The following ALCAM variants were observed in gnomAD, a reference collection of about 807,000 sequenced individuals.
ALCAM encodes the protein CD166 antigen.
In ALCAM, 30 loss-of-function variants were observed where a neutral mutation model predicts 70.9. That is an observed-to-expected ratio of 0.42 (90% CI 0.32 to 0.57). The LOEUF (loss-of-function observed/expected upper bound fraction) is 0.57, where lower values mean the gene tolerates loss of function less well. Among genes scored for constraint, ALCAM ranks in the 20% least tolerant of loss-of-function variants. The probability of loss-of-function intolerance (pLI) is 0.11; values close to 1 mark genes in which losing one functional copy is unlikely to be tolerated. For missense variants in ALCAM, 591 were observed against 695.1 expected (o/e 0.85, Z 1.68); for synonymous variants, 249 against 242.5 (o/e 1.03, Z -0.25).
chr3:105,413,001 T>C (rs1219417338), intron 1 of ALCAM, among the ~76,000 whole-genome samples: 1 of 152,126 alleles, frequency 6.6e-6, no homozygotes, highest in Non-Finnish European at 1.5e-5. Context: ...TTTAGATGCT[T>C]AAGTTTTGCT....
intron 4 of ALCAM, among the ~76,000 whole-genome samples, chr3:105,533,169 C>T (rs1939882431): frequency 6.6e-6 from 1 of 152,030 alleles, no homozygotes; most frequent in African/African-American, 2.4e-5. Flanking sequence ...AATGTATATC[C>T]TCTTGAAATA....
At chr3:105,467,859 C>T (rs1349618824) in intron 1 of ALCAM, among the ~76,000 whole-genome samples, 1 of 151,086 alleles carries the variant, frequency 6.6e-6, no homozygotes, top group East Asian at 1.9e-4. Context: ...TACATTTTTA[C>T]CACTACTGCC....
chr3:105,442,470 G>A (rs150328188), intron 1 of ALCAM, among the ~76,000 whole-genome samples: 130 of 152,214 alleles, frequency 8.5e-4, no homozygotes, highest in African/African-American at 3.0e-3. Flanking sequence ...TAAAAAGAGC[G>A]AGAGTTACTC....
chr3:105,436,408 T>C (rs1183130809), intron 1 of ALCAM, among the ~76,000 whole-genome samples: 2 of 152,106 alleles, frequency 1.3e-5, no homozygotes, highest in African/African-American at 4.8e-5. Flanking sequence ...AGTGGTGCGA[T>C]CTTGGCTCAC....
intron 14 of ALCAM, among the ~76,000 whole-genome samples, chr3:105,568,376 C>T (rs1244672166): frequency 6.6e-6 from 1 of 152,136 alleles, no homozygotes; most frequent in African/African-American, 2.4e-5. Context: ...CAGGTGTGAG[C>T]CACTGAGCCC....
chr3:105,572,077 AAG>A, intron 15 of ALCAM, 113 bp downstream of exon 15: 1 of 615,926 alleles, frequency 1.6e-6, no homozygotes. Context: ...TCAAAACAGG[AAG>A]AGAGGGGTTT....
At chr3:105,420,123 A>T (rs1576151367) in intron 1 of ALCAM, among the ~76,000 whole-genome samples, 1 of 151,662 alleles carries the variant, frequency 6.6e-6, no homozygotes, top group Non-Finnish European at 1.5e-5. Flanking sequence ...AACACTTAAA[A>T]TTTTTTTCTA....
At chr3:105,524,196 G>A (rs1939630357) in intron 2 of ALCAM, 93 bp from the exon 3 acceptor site, 2 of 1,023,668 alleles carry the variant, frequency 2.0e-6, no homozygotes, top group African/African-American at 1.6e-5. Flanking sequence ...TATAGATATT[G>A]GTAGAATATG....
At chr3:105,559,406 G>A (rs1940586740) in intron 14 of ALCAM, among the ~76,000 whole-genome samples, 1 of 151,596 alleles carries the variant, frequency 6.6e-6, no homozygotes, top group Non-Finnish European at 1.5e-5. Context: ...CAGTTCTGGA[G>A]ACTGGGAATT....
intron 14 of ALCAM, among the ~76,000 whole-genome samples, chr3:105,557,708 T>C (rs1455602976): frequency 1.3e-5 from 2 of 152,094 alleles, no homozygotes; most frequent in South Asian, 4.1e-4. Context: ...TTCAGTACAG[T>C]TGTGTTTTTT....
intron 1 of ALCAM, among the ~76,000 whole-genome samples, chr3:105,415,047 C>A (rs1936475393): frequency 6.6e-6 from 1 of 152,088 alleles, no homozygotes; most frequent in Non-Finnish European, 1.5e-5. Context: ...AGTTTGGCCT[C>A]CTCTGTTAAA....
chr3:105,396,188 G>A (rs1035197127), intron 1 of ALCAM, among the ~76,000 whole-genome samples: 2 of 152,002 alleles, frequency 1.3e-5, no homozygotes, highest in African/African-American at 4.8e-5. Context: ...CTGAATAAAT[G>A]AGTAAAATAC....
At position 105,412,556 on chromosome 3, in the gene ALCAM, G is replaced by T. The variant is rs142365143; in HGVS notation, c.73+45075G>T. ...CTTGTATTTGCACTTTTGCGTTTGGGAAGTAGAAGAATTGTAATTCAGAAT... is the reference window on the plus strand; with the variant it reads ...CTTGTATTTGCACTTTTGCGTTTGGTAAGTAGAAGAATTGTAATTCAGAAT... On this transcript the variant is annotated intron_variant, in intron 1 of 15. Transcript: ENST00000306107. Among the ~76,000 whole-genome samples, 374 of 152,144 alleles carry T rather than the reference G, an allele frequency of 2.5e-3. 3 individuals are homozygous for T. The highest frequency in any genetic ancestry group is 8.7e-3 in the African/African-American group (361 of 41,544).
chr3:105,376,563 T>C (rs1282574062), intron 1 of ALCAM, among the ~76,000 whole-genome samples: 3 of 152,216 alleles, frequency 2.0e-5, no homozygotes, highest in Non-Finnish European at 4.4e-5. Flanking sequence ...AACTAATTAC[T>C]ATACATTCAA....
intron 5 of ALCAM, among the ~76,000 whole-genome samples, chr3:105,534,130 A>G (rs1352812132): frequency 6.6e-6 from 1 of 152,066 alleles, no homozygotes; most frequent in Non-Finnish European, 1.5e-5. Flanking sequence ...TCCACAACTG[A>G]TCTGACAGGA....
At chr3:105,571,446 G>C (rs538493502) in intron 14 of ALCAM, among the ~76,000 whole-genome samples, 45 of 152,270 alleles carry the variant, frequency 3.0e-4, no homozygotes, top group African/African-American at 1.1e-3. Flanking sequence ...ACATGATAGG[G>C]AACACCAGAA....
chr3:105,571,322 G>C (rs1019690361), intron 14 of ALCAM, among the ~76,000 whole-genome samples: 9 of 152,172 alleles, frequency 5.9e-5, no homozygotes, highest in African/African-American at 2.2e-4. Flanking sequence ...AGTTGCTATA[G>C]CTTCTGTTGT....
Position 105,575,300 on chromosome 3 carries a change from A to G in ALCAM, c.*849A>G, listed in dbSNP as rs1455201538. ...AACATTCCCATTTTCATAGATCACA[A>G]TGTAAATCACTATAATTACAAATTG... On this transcript the variant is annotated 3_prime_UTR_variant, in exon 16 of 16. Transcript: ENST00000306107. 1 of 152,582 alleles carries G rather than the reference A, an allele frequency of 6.6e-6. No individual in the cohort carries two copies. The highest frequency in any genetic ancestry group is 1.5e-5 in the Non-Finnish European group (1 of 68,022). The allele number at this position is 152,582 out of a possible 1,614,324, so 9.5% of individuals were successfully genotyped here.
At chr3:105,486,086 G>C (rs187282443) in intron 1 of ALCAM, among the ~76,000 whole-genome samples, 7 of 151,852 alleles carry the variant, frequency 4.6e-5, no homozygotes, top group Non-Finnish European at 8.8e-5. Flanking sequence ...TCATTAAAAG[G>C]GTTAGCCTAT....
Sources: allele counts gnomAD v4.1 joint callset (sites outside exome capture counted in the v4.1 genomes callset), GRCh38; gene constraint gnomAD v4.1.1; transcripts MANE v1.5; gene names NCBI Gene and HGNC (gene_info 2026-07-23, HGNC 2026-07-21).